LINGO2: variants seen among roughly 807,000 people sequenced by gnomAD.
LINGO2 encodes leucine rich repeat and Ig domain containing 2.
Under a neutral mutation model 30.6 loss-of-function variants are expected in LINGO2, and 14 were observed. The ratio of observed to expected loss-of-function variants is 0.46; its 90% CI spans 0.30 to 0.72. The LOEUF (loss-of-function observed/expected upper bound fraction) is 0.72, where lower values mean the gene tolerates loss of function less well. LINGO2 is among the 30% of genes least tolerant of loss of function. The probability of loss-of-function intolerance (pLI) is 0.07; values close to 1 mark genes in which losing one functional copy is unlikely to be tolerated. For synonymous variants in LINGO2, 317 were observed against 288.5 expected (o/e 1.10, Z -1.00); for missense variants, 729 against 751.7 (o/e 0.97, Z 0.35).
At chr9:28,254,144 G>T (rs1822302918) in intron 4 of LINGO2, among the ~76,000 whole-genome samples, 1 of 151,980 alleles carries the variant, frequency 6.6e-6, no homozygotes, top group Non-Finnish European at 1.5e-5. Context: ...ATAATTATGT[G>T]AATTAAATTC....
At chr9:28,030,810 A>C (rs1286056573) in intron 4 of LINGO2, among the ~76,000 whole-genome samples, 1 of 151,958 alleles carries the variant, frequency 6.6e-6, no homozygotes, top group East Asian at 1.9e-4. Context: ...GGCAGGGAGT[A>C]ATCCAATGAT....
rs60205267 is a variant in LINGO2, at chr9:28,185,338, C to A, written c.-87+109870G>T. ...TGTTACTTTACTATTGTAATAAATTCTCTCTTATAAATACCATAACACTAT... is the reference window on the plus strand; with the variant it reads ...TGTTACTTTACTATTGTAATAAATTATCTCTTATAAATACCATAACACTAT... On this transcript the variant is annotated intron_variant, in intron 4 of 5. Transcript: ENST00000379992. 5.8e-3 allele frequency among the ~76,000 whole-genome samples: 886 copies of A among 152,042 alleles called. 5 individuals carry two copies. Among genetic ancestry groups the A allele is most frequent in the African/African-American group, 0.021 (850 of 41,456 alleles).
intron 2 of LINGO2, among the ~76,000 whole-genome samples, chr9:28,408,734 C>T (rs1822615962): frequency 6.8e-6 from 1 of 146,586 alleles, no homozygotes; most frequent in Non-Finnish European, 1.5e-5. Context: ...CAAACCTGCA[C>T]GTTTTGCACA....
intron 5 of LINGO2, among the ~76,000 whole-genome samples, chr9:27,994,968 A>G (rs1265471589): frequency 6.6e-6 from 1 of 152,162 alleles, no homozygotes; most frequent in African/African-American, 2.4e-5. Context: ...TTTTGGCTAA[A>G]TTAGTCACTT....
the LINGO2 span, among the ~76,000 whole-genome samples, chr9:28,757,643 G>A: frequency 6.6e-6 from 1 of 151,970 alleles, no homozygotes; most frequent in East Asian, 1.9e-4. Flanking sequence ...TCTCCAATTA[G>A]GCCATTTTTG....
At chr9:28,877,865 T>C in the LINGO2 span, among the ~76,000 whole-genome samples, 1 of 152,196 alleles carries the variant, frequency 6.6e-6, no homozygotes, top group Non-Finnish European at 1.5e-5. Flanking sequence ...TTCACGATAT[T>C]GATTCTTCCT....
At chr9:28,183,028 T>C (rs1819413230) in intron 4 of LINGO2, among the ~76,000 whole-genome samples, 1 of 152,128 alleles carries the variant, frequency 6.6e-6, no homozygotes, top group African/African-American at 2.4e-5. Context: ...CACAGCACTA[T>C]TTACAATAGC....
intron 1 of LINGO2, among the ~76,000 whole-genome samples, chr9:28,608,831 T>C (rs1030296790): frequency 2.0e-5 from 3 of 152,018 alleles, no homozygotes; most frequent in African/African-American, 4.8e-5. Flanking sequence ...TAAAAAGCTA[T>C]GAAAACTTAG....
intron 2 of LINGO2, among the ~76,000 whole-genome samples, chr9:28,402,884 G>T (rs1822330752): frequency 6.6e-6 from 1 of 152,072 alleles, no homozygotes; most frequent in Non-Finnish European, 1.5e-5. Flanking sequence ...TTGAAAAGAA[G>T]GTAGAATGTG....
intron 1 of LINGO2, among the ~76,000 whole-genome samples, chr9:28,507,675 T>C (rs1283685261): frequency 1.3e-5 from 2 of 152,172 alleles, no homozygotes; most frequent in African/African-American, 2.4e-5. Flanking sequence ...TATGTATTGG[T>C]ATTTGCTTTG....
At chr9:28,642,057 T>TTA (rs1186783698) in intron 1 of LINGO2, among the ~76,000 whole-genome samples, 10 of 131,424 alleles carry the variant, frequency 7.6e-5, no homozygotes, top group Middle Eastern at 3.5e-3. Context: ...CATTTAAATG[T>TTA]TATATATGTG....
the LINGO2 span, among the ~76,000 whole-genome samples, chr9:28,690,572 TC>T: frequency 1.3e-5 from 2 of 152,158 alleles, no homozygotes; most frequent in East Asian, 3.9e-4. Context: ...TACTTTCCAT[TC>T]ATGAATAGTT....
At chr9:29,137,325 T>C in the LINGO2 span, among the ~76,000 whole-genome samples, 1 of 152,190 alleles carries the variant, frequency 6.6e-6, no homozygotes, top group South Asian at 2.1e-4. Flanking sequence ...TTACATTTTA[T>C]AAATCTTCAT....
At chr9:28,916,584 C>T in the LINGO2 span, among the ~76,000 whole-genome samples, 1 of 152,170 alleles carries the variant, frequency 6.6e-6, no homozygotes, top group African/African-American at 2.4e-5. Flanking sequence ...AGCCACACCC[C>T]CATCCCTACA....
the LINGO2 span, among the ~76,000 whole-genome samples, chr9:29,117,327 T>G: frequency 3.9e-5 from 6 of 152,152 alleles, no homozygotes; most frequent in East Asian, 1.9e-4. Flanking sequence ...AAGCCCCGAT[T>G]GTTAGTATTT....
At chr9:28,730,837 G>C in the LINGO2 span, among the ~76,000 whole-genome samples, 1 of 152,040 alleles carries the variant, frequency 6.6e-6, no homozygotes, top group Admixed American at 6.6e-5. Context: ...AGAATAGTAG[G>C]AACACCAAAT....
At chr9:28,136,130 A>C in intron 4 of LINGO2, among the ~76,000 whole-genome samples, 1 of 152,216 alleles carries the variant, frequency 6.6e-6, no homozygotes, top group Non-Finnish European at 1.5e-5. Flanking sequence ...AACCAACTTT[A>C]AGTCTTTGTA....
At chr9:28,405,206 G>A (rs1042610638) in intron 2 of LINGO2, among the ~76,000 whole-genome samples, 3 of 151,986 alleles carry the variant, frequency 2.0e-5, no homozygotes, top group African/African-American at 4.8e-5. Flanking sequence ...TATATATTAC[G>A]TAACTTGTAT....
the LINGO2 span, among the ~76,000 whole-genome samples, chr9:29,078,584 A>C: frequency 6.6e-6 from 1 of 151,914 alleles, no homozygotes; most frequent in African/African-American, 2.4e-5. Context: ...AGAGTACAGC[A>C]TTTCTTAACA....
Sources: allele counts gnomAD v4.1 joint callset (sites outside exome capture counted in the v4.1 genomes callset), GRCh38; gene constraint gnomAD v4.1.1; transcripts MANE v1.5; gene names NCBI Gene and HGNC (gene_info 2026-07-23, HGNC 2026-07-21).